The following PTPRD variants were observed in gnomAD, a reference collection of about 807,000 sequenced individuals.
PTPRD encodes the protein receptor-type tyrosine-protein phosphatase delta.
A neutral mutation model predicts 214.5 loss-of-function variants in PTPRD; 34 were observed. That is an observed-to-expected ratio of 0.16 (90% CI 0.12 to 0.21). The LOEUF is 0.21. PTPRD is among the 10% of genes least tolerant of loss of function. PTPRD has a pLI of 1.00. For missense variants in PTPRD, 2,545 were observed against 2,398.7 expected (o/e 1.06, Z -1.27); for synonymous variants, 1,128 against 845.7 (o/e 1.33, Z -5.79).
At chr9:10,271,272 G>C (rs1051628980) in intron 3 of PTPRD, among the ~76,000 whole-genome samples, 1 of 152,044 alleles carries the variant, frequency 6.6e-6, no homozygotes, top group African/African-American at 2.4e-5. Context: ...TTTTGGAACA[G>C]AAGACAATCT....
intron 9 of PTPRD, among the ~76,000 whole-genome samples, chr9:9,382,867 C>T (rs1384090459): frequency 5.9e-5 from 9 of 151,964 alleles, no homozygotes; most frequent in African/African-American, 1.7e-4. Context: ...CATTGCAGAA[C>T]GATTCACAAT....
chr9:9,250,318 T>TGAAGAAGTA (rs2099974950), intron 9 of PTPRD, among the ~76,000 whole-genome samples: 1 of 152,070 alleles, frequency 6.6e-6, no homozygotes, highest in Non-Finnish European at 1.5e-5. Flanking sequence ...ATCTCATCTG[T>TGAAGAAGTA]GAAGAAGTAT....
At chr9:9,203,954 T>G (rs1393771614) in intron 9 of PTPRD, among the ~76,000 whole-genome samples, 1 of 152,160 alleles carries the variant, frequency 6.6e-6, no homozygotes, top group African/African-American at 2.4e-5. Context: ...CTCTTAAAAT[T>G]TACAGTTTAG....
chr9:10,107,137 A>G (rs1265314251), intron 3 of PTPRD, among the ~76,000 whole-genome samples: 1 of 151,996 alleles, frequency 6.6e-6, no homozygotes, highest in Non-Finnish European at 1.5e-5. Flanking sequence ...TTACCTTTGA[A>G]ACATTAAGAC....
intron 2 of PTPRD, among the ~76,000 whole-genome samples, chr9:10,610,509 G>GTT (rs200395331): frequency 1.6e-4 from 18 of 112,304 alleles, no homozygotes; most frequent in Admixed American, 6.0e-4. Flanking sequence ...CAATAATTAA[G>GTT]TTTTTTTTTT....
chr9:8,763,468 ACG>A (rs1441652653), intron 11 of PTPRD, among the ~76,000 whole-genome samples: 6 of 151,976 alleles, frequency 3.9e-5, no homozygotes, highest in African/African-American at 1.4e-4. Context: ...AGCCAAGATC[ACG>A]CCACTGCACT....
intron 9 of PTPRD, among the ~76,000 whole-genome samples, chr9:9,364,027 C>T (rs1022393601): frequency 1.3e-5 from 2 of 151,382 alleles, no homozygotes; most frequent in African/African-American, 2.4e-5. Flanking sequence ...AAACATTTTA[C>T]ATAACTTCTA....
chr9:9,702,295 C>A lies in PTPRD; in HGVS notation c.-287+32238G>T, dbSNP rs143540800. Among the ~76,000 whole-genome samples, 617 of 152,170 alleles carry A rather than the reference C, an allele frequency of 4.1e-3. 5 individuals carry two copies. Among genetic ancestry groups the A allele is most frequent in the African/African-American group, 0.014 (589 of 41,526 alleles). On this transcript the variant is annotated intron_variant, in intron 7 of 45. Coordinates refer to ENST00000381196, the MANE Select transcript of PTPRD (RefSeq NM_002839.4). Reference sequence around the variant, plus strand: ...CTAAAGAGAACTTTGGTTGTGTTTACAATTAGAGAATTGGTAACAAGAGAG... The same window carrying A: ...CTAAAGAGAACTTTGGTTGTGTTTAAAATTAGAGAATTGGTAACAAGAGAG...
intron 5 of PTPRD, among the ~76,000 whole-genome samples, chr9:9,900,277 A>T (rs1377728267): frequency 1.3e-5 from 2 of 152,184 alleles, no homozygotes; most frequent in Non-Finnish European, 2.9e-5. Context: ...TTTTTAGAAG[A>T]AGCCAGGCCA....
intron 9 of PTPRD, among the ~76,000 whole-genome samples, chr9:9,217,426 A>G (rs1009154144): frequency 1.3e-5 from 2 of 152,150 alleles, no homozygotes; most frequent in African/African-American, 4.8e-5. Flanking sequence ...ATCACTTTGA[A>G]CTAGTGTTCC....
At chr9:9,469,853 T>C (rs2094471278) in intron 8 of PTPRD, among the ~76,000 whole-genome samples, 1 of 152,198 alleles carries the variant, frequency 6.6e-6, no homozygotes, top group Non-Finnish European at 1.5e-5. Flanking sequence ...TCATGGCATA[T>C]GTCCAATGAG....
At position 9,301,504 on chromosome 9, in the gene PTPRD, T is replaced by C. The variant is rs149291625; in HGVS notation, c.-203+95945A>G. 3.1e-4 allele frequency among the ~76,000 whole-genome samples: 47 copies of C among 151,916 alleles called. 1 individual carries two copies. Among genetic ancestry groups the C allele is most frequent in the African/African-American group, 9.9e-4 (41 of 41,500 alleles). On this transcript the variant is annotated intron_variant, in intron 9 of 45. Transcript: ENST00000381196. Reference sequence around the variant, plus strand: ...ATACATTTCGTTACCTTGGGAAATTTTGTGGTACTGCATCAAGCTACTAAT... The same window carrying C: ...ATACATTTCGTTACCTTGGGAAATTCTGTGGTACTGCATCAAGCTACTAAT...
chr9:8,358,870 G>T (rs1798026325), intron 39 of PTPRD, among the ~76,000 whole-genome samples: 1 of 151,722 alleles, frequency 6.6e-6, no homozygotes, highest in Non-Finnish European at 1.5e-5. Context: ...CACTTTGGGA[G>T]GCCGAGGCGG....
intron 9 of PTPRD, among the ~76,000 whole-genome samples, chr9:9,373,490 G>T (rs1220955312): frequency 6.6e-6 from 1 of 151,950 alleles, no homozygotes; most frequent in Non-Finnish European, 1.5e-5. Context: ...GAGTCTTATG[G>T]GGCTAAACTC....
At chr9:8,433,610 A>G (rs1449521694) in intron 35 of PTPRD, among the ~76,000 whole-genome samples, 4 of 152,168 alleles carry the variant, frequency 2.6e-5, no homozygotes, top group Non-Finnish European at 5.9e-5. Flanking sequence ...CTTAGTTTTT[A>G]ATCAAAAATT....
intron 12 of PTPRD, among the ~76,000 whole-genome samples, chr9:8,668,218 T>G (rs1596464073): frequency 6.6e-6 from 1 of 152,126 alleles, no homozygotes; most frequent in East Asian, 1.9e-4. Flanking sequence ...AGGTACTAGG[T>G]CTGAAGAAAG....
intron 9 of PTPRD, among the ~76,000 whole-genome samples, chr9:9,273,620 T>A (rs1205870857): frequency 2.0e-5 from 3 of 151,334 alleles, no homozygotes; most frequent in Admixed American, 1.3e-4. Context: ...CTTCAAAATG[T>A]ATAGCATGTA....
chr9:9,993,259 A>G (rs2096010656), intron 4 of PTPRD, among the ~76,000 whole-genome samples: 1 of 152,216 alleles, frequency 6.6e-6, no homozygotes, highest in Non-Finnish European at 1.5e-5. Flanking sequence ...ATATGCATAA[A>G]CAATGGCCTA....
At chr9:8,683,096 G>A (rs945082844) in intron 12 of PTPRD, among the ~76,000 whole-genome samples, 2 of 152,060 alleles carry the variant, frequency 1.3e-5, no homozygotes, top group Admixed American at 6.6e-5. Flanking sequence ...TTTGTAAGAG[G>A]AATATAAAAA....
Sources: allele counts gnomAD v4.1 joint callset (sites outside exome capture counted in the v4.1 genomes callset), GRCh38; gene constraint gnomAD v4.1.1; transcripts MANE v1.5; gene names NCBI Gene and HGNC (gene_info 2026-07-23, HGNC 2026-07-21).